Variants in LRRC9 observed in about 807,000 individuals in gnomAD.
The protein encoded by LRRC9 is leucine-rich repeat-containing protein 9.
Under a neutral mutation model 63.2 loss-of-function variants are expected in LRRC9, and 122 were observed. That is an observed-to-expected ratio of 1.93 (90% confidence interval 1.67 to 2.24). The LOEUF is 2.24. Among genes scored for constraint, LRRC9 ranks in the 30% most tolerant of loss-of-function variants. The pLI, the probability that LRRC9 is intolerant of heterozygous loss-of-function variation, is 0.00. For synonymous variants in LRRC9, 366 were observed against 213.1 expected (o/e 1.72, Z -6.25); for missense variants, 1,071 against 627.7 (o/e 1.71, Z -7.55).
chr14:59,925,065 C>T (rs1889097447), intron 1 of LRRC9, among the ~76,000 whole-genome samples: 2 of 152,068 alleles, frequency 1.3e-5, no homozygotes, highest in African/African-American at 4.8e-5. Context: ...CGCTGTCATT[C>T]TCTGTCTGGG....
rs917791540 is a variant in LRRC9 at position 59,936,265 on chromosome 14, C to A, written c.544-2125C>A. On this transcript the variant is annotated intron_variant, in intron 6 of 31. Coordinates refer to ENST00000445360, the Ensembl canonical transcript of LRRC9. The surrounding 1 kb of genome is among the most constrained non-coding windows in gnomAD (Gnocchi z 4.2). ...TTGTGTGACATAATATTTAAAAAGG[C>A]TTTTTATGGCATTATGACTATCATA... Among the ~76,000 whole-genome samples, 1 of 152,014 alleles carries A rather than the reference C, an allele frequency of 6.6e-6. No homozygotes were observed. Among genetic ancestry groups the A allele is most frequent in the Non-Finnish European group, 1.5e-5 (1 of 67,984 alleles).
At chr14:60,005,376 A>C (rs1595004202) in intron 21 of LRRC9, among the ~76,000 whole-genome samples, 2 of 152,016 alleles carry the variant, frequency 1.3e-5, no homozygotes, top group South Asian at 2.1e-4. Context: ...ACAATTAAAA[A>C]CCCTATTTCC....
chr14:59,919,734 G>A lies in LRRC9; in HGVS notation c.-183G>A, dbSNP rs1328609732. 4 of 152,310 alleles carry A rather than the reference G, an allele frequency of 2.6e-5. No homozygotes were observed. Among genetic ancestry groups the A allele is most frequent in the African/African-American group, 9.6e-5 (4 of 41,470 alleles). The allele number at this position is 152,310 out of a possible 1,614,324, so 9.4% of individuals were successfully genotyped here. ...TGACATCACAGGGCCATGCCCTCGGGGCTCAAGGCCAGAGAGGCTCCGCGC... is the reference window on the plus strand; with the variant it reads ...TGACATCACAGGGCCATGCCCTCGGAGCTCAAGGCCAGAGAGGCTCCGCGC... On this transcript the variant is annotated 5_prime_UTR_variant, in exon 1 of 32. Coordinates refer to ENST00000445360, the Ensembl canonical transcript of LRRC9. The surrounding 1 kb of genome is among the most constrained non-coding windows in gnomAD (Gnocchi z 4.5).
At position 59,990,938 on chromosome 14, in the gene LRRC9, A is replaced by C. The variant is rs536099271; in HGVS notation, c.2211+5714A>C. Among the ~76,000 whole-genome samples, 4 of 152,240 alleles carry C rather than the reference A, an allele frequency of 2.6e-5. No homozygotes were observed. In the East Asian group the frequency reaches 7.7e-4, roughly 29 times the overall value. On this transcript the variant is annotated intron_variant, in intron 17 of 31. Transcript: ENST00000445360. This position sits in a 1 kb window ranked among gnomAD's most constrained non-coding sequence, Gnocchi z 4.2. ...TGTTGATGGTGGTTTATCTCTACCA[A>C]CTTCTTTTGGAGCCTATAGAGCAAC...
Position 60,013,575 on chromosome 14 carries a change from A to G in LRRC9, c.3187-3085A>G, listed in dbSNP as rs1457911240. Among the ~76,000 whole-genome samples, 3 of 152,158 alleles carry G rather than the reference A, an allele frequency of 2.0e-5. No individual in the cohort carries two copies. In the East Asian group the frequency reaches 5.8e-4, roughly 29 times the overall value. ...AAAATAACTGGGGACTCTAGCTTCA[A>G]ATATTTTGCAGCTCTGTTGTTGGTG... is the stretch of plus-strand genomic sequence containing the variant. On this transcript the variant is annotated intron_variant, in intron 23 of 31. Coordinates refer to ENST00000445360, the Ensembl canonical transcript of LRRC9.
chr14:59,985,229 G>A lies in LRRC9; in HGVS notation c.2211+5G>A, dbSNP rs1401037563. ...TTAGATGATGTATACCACTTGGTAA[G>A]AATTGTTCCTTTGAATCTAAAAAAG... On this transcript the variant is annotated splice_donor_5th_base_variant and intron_variant, in intron 17 of 31. Transcript: ENST00000445360. 4.8e-6 allele frequency: 3 copies of A among 624,698 alleles called. No individual in the cohort carries two copies. Among genetic ancestry groups the A allele is most frequent in the Non-Finnish European group, 2.9e-6 (1 of 340,698 alleles). 38.7% of individuals were successfully genotyped at this position (624,698 alleles called of 1,614,324 possible).
Position 60,031,060 on chromosome 14 carries a change from A to G in LRRC9, c.3922-935A>G, listed in dbSNP as rs1891951156. ...CGGTTTAATTTGAGAAAATAATGTA[A>G]GACTTTTCGCATGTCCATGATTACT... On this transcript the variant is annotated intron_variant, in intron 28 of 31. Coordinates refer to ENST00000445360, the Ensembl canonical transcript of LRRC9. This position sits in a 1 kb window ranked among gnomAD's most constrained non-coding sequence, Gnocchi z 4.6. Among the ~76,000 whole-genome samples the G allele has an allele frequency of 6.6e-6, 1 of 152,100 alleles. No individual in the cohort carries two copies. Among genetic ancestry groups the G allele is most frequent in the Non-Finnish European group, 1.5e-5 (1 of 67,964 alleles).
downstream of LRRC9, among the ~76,000 whole-genome samples, chr14:60,064,281 A>T (rs1894822240): frequency 6.6e-6 from 1 of 152,220 alleles, no homozygotes; most frequent in Non-Finnish European, 1.5e-5. Context: ...TGATAACCAA[A>T]TTGCCAATCA....
At chr14:59,946,997 T>C (rs1882504854) in intron 8 of LRRC9, among the ~76,000 whole-genome samples, 1 of 147,044 alleles carries the variant, frequency 6.8e-6, no homozygotes, top group Admixed American at 6.8e-5. Flanking sequence ...AGCAGCATGA[T>C]TTATAGTCCT....
rs1302650209 is a variant in LRRC9 at position 60,019,223 on chromosome 14, AG to A, written c.3530del (p.Ser1177MetfsTer15). The A allele has an allele frequency of 1.4e-6, 1 of 700,010 alleles. No homozygotes were observed. The highest frequency in any genetic ancestry group is 1.8e-5 in the African/African-American group (1 of 57,122). 43.4% of individuals were successfully genotyped at this position (700,010 alleles called of 1,614,324 possible). A position where few individuals can be genotyped will look rare whatever the true frequency, so the allele number is the denominator to read the frequency against. On this transcript the variant is annotated frameshift_variant, in exon 26 of 32. Coordinates refer to ENST00000445360, the Ensembl canonical transcript of LRRC9. LOFTEE classifies it high-confidence loss of function. The stretch of plus-strand genomic sequence containing the variant: ...ACTACTGTACCAGAAAGTGCCTTCA[AG>A]TGGCTATGGACAGCAAGGAATTTCA...
intron 23 of LRRC9, among the ~76,000 whole-genome samples, chr14:60,015,013 T>C (rs1204115426): frequency 1.3e-5 from 2 of 152,288 alleles, no homozygotes; most frequent in Middle Eastern, 3.4e-3. Flanking sequence ...GTAATGTCTA[T>C]TGTTCTGTCT....
At chr14:59,939,288 G>A (rs181188419) in intron 7 of LRRC9, among the ~76,000 whole-genome samples, 110 of 151,978 alleles carry the variant, frequency 7.2e-4, no homozygotes, top group Admixed American at 2.6e-3. Flanking sequence ...AAGTAGCTGA[G>A]GACATCAGGG....
rs1459333426 is a variant in LRRC9, at chr14:59,925,322, A to G, written c.-33-2589A>G. Among the ~76,000 whole-genome samples the G allele has an allele frequency of 2.0e-5, 3 of 152,230 alleles. 1 individual carries two copies. Among genetic ancestry groups the G allele is most frequent in the African/African-American group, 7.2e-5 (3 of 41,468 alleles). On this transcript the variant is annotated intron_variant, in intron 1 of 31. Coordinates refer to ENST00000445360, the Ensembl canonical transcript of LRRC9. ...CTAGAGGCTAGGAAGTCTAAGATCA[A>G]GGCATCAGCATCTGGTGTCTGCTTC...
At chr14:60,018,224 T>A (rs1890848980) in intron 24 of LRRC9, 147 bp from the exon 25 acceptor site, 4 of 585,724 alleles carry the variant, frequency 6.8e-6, no homozygotes, top group Non-Finnish European at 1.2e-5. Context: ...ATTTAACCAA[T>A]TCATTTTACA....
chr14:59,989,448 A>G (rs1310528380), intron 17 of LRRC9, among the ~76,000 whole-genome samples: 9 of 151,718 alleles, frequency 5.9e-5, no homozygotes, highest in Non-Finnish European at 5.9e-5. Flanking sequence ...TGACTAATTT[A>G]GTGTTTATTT....
chr14:59,978,205 G>A (rs1406303403), intron 15 of LRRC9, 73 bp downstream of exon 15: 9 of 668,248 alleles, frequency 1.3e-5, no homozygotes, highest in Non-Finnish European at 2.2e-5. Context: ...ATTTGAAGTC[G>A]AATAATGCTA....
chr14:60,010,194 G>T (rs1375414052), intron 23 of LRRC9, among the ~76,000 whole-genome samples: 2 of 152,162 alleles, frequency 1.3e-5, no homozygotes, highest in African/African-American at 4.8e-5. Context: ...TGCCCTAGCA[G>T]AGGGCAGCAG....
chr14:59,991,440 A>G lies in LRRC9; in HGVS notation c.2211+6216A>G, dbSNP rs187971441. Among the ~76,000 whole-genome samples, 569 of 152,250 alleles carry G rather than the reference A, an allele frequency of 3.7e-3. 2 individuals carry two copies. Among genetic ancestry groups the G allele is most frequent in the Non-Finnish European group, 5.2e-3 (354 of 68,016 alleles). ...CATTTTCAGCTGAGGTACTGGGTTC[A>G]TCTCACTGGGGAGTGTCGGAAAGTG... On this transcript the variant is annotated intron_variant, in intron 17 of 31. Transcript: ENST00000445360.
At chr14:59,967,531 C>T (rs1323644485) in intron 12 of LRRC9, among the ~76,000 whole-genome samples, 1 of 152,162 alleles carries the variant, frequency 6.6e-6, no homozygotes, top group African/African-American at 2.4e-5. Flanking sequence ...TGTAAACTCT[C>T]CAGTCTTCAC....
Sources: allele counts gnomAD v4.1 joint callset (sites outside exome capture counted in the v4.1 genomes callset), GRCh38; gene constraint gnomAD v4.1.1; non-coding constraint Gnocchi (gnomAD v3.1); transcripts MANE v1.5; gene names NCBI Gene and HGNC (gene_info 2026-07-23, HGNC 2026-07-21).